Variants in NCAM1 observed in about 807,000 individuals in gnomAD.
NCAM1 encodes the protein antigen recognized by monoclonal antibody 5.1H11.
A neutral mutation model predicts 109.8 loss-of-function variants in NCAM1; 14 were observed. The ratio of observed to expected loss-of-function variants is 0.13; its 90% CI spans 0.08 to 0.20. The LOEUF (loss-of-function observed/expected upper bound fraction) is 0.20, where lower values mean the gene tolerates loss of function less well. Among genes scored for constraint, NCAM1 ranks in the 10% least tolerant of loss-of-function variants. The pLI, the probability that NCAM1 is intolerant of heterozygous loss-of-function variation, is 1.00. For synonymous variants in NCAM1, 418 were observed against 442.9 expected (o/e 0.94, Z 0.70); for missense variants, 774 against 1,109.9 (o/e 0.70, Z 4.30).
chr11:113,199,782 A>G (rs1176171625), intron 1 of NCAM1, among the ~76,000 whole-genome samples: 1 of 151,508 alleles, frequency 6.6e-6, no homozygotes, highest in Admixed American at 6.6e-5. Context: ...TTAAAGTATA[A>G]TAATAAAAAA....
At chr11:113,216,588 A>G (rs1273700336) in intron 8 of NCAM1, among the ~76,000 whole-genome samples, 10 of 152,238 alleles carry the variant, frequency 6.6e-5, no homozygotes, top group African/African-American at 2.4e-4. Flanking sequence ...TGCTATCACT[A>G]TAGATCATTT....
intron 1 of NCAM1, among the ~76,000 whole-genome samples, chr11:113,078,805 C>A (rs1938649865): frequency 6.6e-6 from 1 of 152,118 alleles, no homozygotes; most frequent in African/African-American, 2.4e-5. Context: ...CAAGATCATC[C>A]AATCTTCTAG....
At chr11:113,009,413 G>A (rs544197296) in intron 1 of NCAM1, among the ~76,000 whole-genome samples, 11 of 143,812 alleles carry the variant, frequency 7.6e-5, no homozygotes, top group African/African-American at 1.8e-4. Context: ...CAGCCTCAAC[G>A]TCCTGGCCTC....
chr11:113,141,835 A>G (rs1348277738), intron 1 of NCAM1, among the ~76,000 whole-genome samples: 1 of 152,086 alleles, frequency 6.6e-6, no homozygotes, highest in Non-Finnish European at 1.5e-5. Flanking sequence ...TTTGTCATCC[A>G]TATTTTGACA....
intron 1 of NCAM1, among the ~76,000 whole-genome samples, chr11:113,098,791 G>A (rs1939726972): frequency 6.6e-6 from 1 of 152,184 alleles, no homozygotes; most frequent in South Asian, 2.1e-4. Context: ...GAGCTAGTTT[G>A]TTGGGCCTGA....
intron 1 of NCAM1, among the ~76,000 whole-genome samples, chr11:113,185,079 T>TATATATATATATAGAG: frequency 1.2e-3 from 145 of 125,714 alleles, no homozygotes; most frequent in East Asian, 3.2e-3. Flanking sequence ...TATATATATA[T>TATATATATATATAGAG]AGAGAGAGAG....
chr11:113,208,695 C>T (rs1944311280), intron 7 of NCAM1, among the ~76,000 whole-genome samples: 1 of 152,244 alleles, frequency 6.6e-6, no homozygotes, highest in South Asian at 2.1e-4. Flanking sequence ...CTTACTGTAT[C>T]TTCTTTGCTG....
rs572184546 is a variant in NCAM1, at chr11:112,961,556, G to C, written c.-57G>C. The C allele has an allele frequency of 1.0e-4, 111 of 1,104,126 alleles. No homozygotes were observed. Among genetic ancestry groups the C allele is most frequent in the Non-Finnish European group, 1.4e-4 (101 of 716,452 alleles). 68.4% of individuals were successfully genotyped at this position (1,104,126 alleles called of 1,614,324 possible). A position where few individuals can be genotyped will look rare whatever the true frequency, so the allele number is the denominator to read the frequency against. Reference sequence around the variant, plus strand: ...CAGCCGCCGTCCACACTCGCTGCAGGGGGGGGGGCACAGAATTTACCGCGG... The same window carrying C: ...CAGCCGCCGTCCACACTCGCTGCAGCGGGGGGGGCACAGAATTTACCGCGG... On this transcript the variant is annotated 5_prime_UTR_variant, in exon 1 of 20. Transcript: ENST00000316851.
intron 1 of NCAM1, among the ~76,000 whole-genome samples, chr11:113,017,056 T>C (rs1314816351): frequency 6.6e-6 from 1 of 152,178 alleles, no homozygotes; most frequent in Non-Finnish European, 1.5e-5. Flanking sequence ...AAGCCTTCTT[T>C]AATTCAGAGT....
intron 1 of NCAM1, among the ~76,000 whole-genome samples, chr11:113,156,392 C>A (rs1189321104): frequency 6.6e-6 from 1 of 152,002 alleles, no homozygotes; most frequent in African/African-American, 2.4e-5. Flanking sequence ...AAGGTGAGTA[C>A]TAGAAATATA....
At position 113,232,234 on chromosome 11, in the gene NCAM1, C is replaced by T. The variant is rs1334661236; in HGVS notation, c.1305C>T (p.Thr435=). 1.2e-6 allele frequency: 2 copies of T among 1,613,788 alleles called. No homozygotes were observed. The highest frequency in any genetic ancestry group is 1.7e-6 in the Non-Finnish European group (2 of 1,179,874). The part of the protein sequence containing the change: ...YTWEGNQVNI[T]CEVFAYPSAT... Reference sequence around the variant, plus strand: ...GGGAGGGGAACCAGGTGAACATCACCTGCGAGGTATTTGCCTATCCCAGTG... The same window carrying T: ...GGGAGGGGAACCAGGTGAACATCACTTGCGAGGTATTTGCCTATCCCAGTG... The change falls in exon 11 of 20, where the codon ACC becomes ACT. Residue 435 remains threonine, a synonymous_variant. Coordinates refer to ENST00000316851, the MANE Select transcript of NCAM1 (RefSeq NM_181351.5).
intron 14 of NCAM1, among the ~76,000 whole-genome samples, chr11:113,245,808 GCA>G (rs1945483398): frequency 6.6e-6 from 1 of 152,096 alleles, no homozygotes; most frequent in South Asian, 2.1e-4. Context: ...TTCTTCTAGG[GCA>G]CACAGTCTTC....
chr11:113,088,163 GAATA>G (rs2135736575), intron 1 of NCAM1, among the ~76,000 whole-genome samples: 1 of 152,130 alleles, frequency 6.6e-6, no homozygotes, highest in Non-Finnish European at 1.5e-5. Flanking sequence ...CATCAGAAAT[GAATA>G]AATAGACTTA....
At chr11:113,122,833 C>T (rs1941025066) in intron 1 of NCAM1, among the ~76,000 whole-genome samples, 1 of 152,136 alleles carries the variant, frequency 6.6e-6, no homozygotes, top group East Asian at 1.9e-4. Flanking sequence ...TAGTTTAAAG[C>T]ACCATTCTCA....
chr11:113,232,379 G>T, intron 11 of NCAM1, 25 bp downstream of exon 11: 1 of 1,578,940 alleles, frequency 6.3e-7, no homozygotes, highest in South Asian at 1.2e-5. Flanking sequence ...GGGTGGGACA[G>T]AGCAGAGAAA....
intron 1 of NCAM1, among the ~76,000 whole-genome samples, chr11:113,109,356 G>A (rs5021023): frequency 0.78 from 109,319 of 139,636 alleles, 42,118 homozygotes; most frequent in African/African-American, 0.87. Context: ...TCAAAAAAAA[G>A]AAAAAAAAAC....
At chr11:113,047,346 A>G (rs1424636994) in intron 1 of NCAM1, among the ~76,000 whole-genome samples, 1 of 152,234 alleles carries the variant, frequency 6.6e-6, no homozygotes, top group Admixed American at 6.5e-5. Flanking sequence ...TCACACTTAA[A>G]ATATTTTAAA....
At position 113,233,176 on chromosome 11, in the gene NCAM1, G is replaced by T; in HGVS notation, c.1552G>T (p.Val518Leu). ...DTPSSPSIDQ[V>L]EPYSSTAQVQ... The stretch of plus-strand genomic sequence containing the variant: ...CCCCTCTTCACCATCCATCGACCAG[G>T]TGGAGCCATACTCCAGCACAGCCCA... The change falls in exon 13 of 20, where the codon GTG becomes TTG. Residue 518 changes from valine (V) to leucine (L), a missense_variant. By Grantham distance (32) the Val-to-Leu change is conservative. Transcript: ENST00000316851. This position sits in a 1 kb window ranked among gnomAD's most constrained non-coding sequence, Gnocchi z 4.5. 1 of 1,613,650 alleles carries T rather than the reference G, an allele frequency of 6.2e-7. No homozygotes were observed. The highest frequency in any genetic ancestry group is 8.5e-7 in the Non-Finnish European group (1 of 1,179,868).
intron 18 of NCAM1, among the ~76,000 whole-genome samples, chr11:113,271,462 T>C (rs1555125332): frequency 2.7e-5 from 4 of 150,154 alleles, no homozygotes; most frequent in Non-Finnish European, 1.5e-5. Flanking sequence ...ATTTGAGCAA[T>C]GATCTGTGTC....
Sources: allele counts gnomAD v4.1 joint callset (sites outside exome capture counted in the v4.1 genomes callset), GRCh38; gene constraint gnomAD v4.1.1; non-coding constraint Gnocchi (gnomAD v3.1); transcripts MANE v1.5; gene names NCBI Gene and HGNC (gene_info 2026-07-23, HGNC 2026-07-21).